Variants in NPAS3 observed in about 807,000 individuals in gnomAD.
The protein encoded by NPAS3 is neuronal PAS domain-containing protein 3.
In NPAS3, 14 loss-of-function variants were observed where a neutral mutation model predicts 73.1. That is an observed-to-expected ratio of 0.19 (90% CI 0.13 to 0.30). The LOEUF (loss-of-function observed/expected upper bound fraction) is 0.30. Ranked by LOEUF, NPAS3 falls within the 10% of genes least tolerant of loss-of-function variation. The pLI is 1.00. For synonymous variants in NPAS3, 620 were observed against 541.5 expected, an observed-to-expected ratio of 1.14 and a Z score of -2.01; for missense variants, 1,096 against 1,250.0, an observed-to-expected ratio of 0.88 and a Z score of 1.86.
intron 6 of NPAS3, among the ~76,000 whole-genome samples, chr14:33,723,195 A>AT (rs2061165241): frequency 6.6e-6 from 1 of 152,132 alleles, no homozygotes; most frequent in South Asian, 2.1e-4. Flanking sequence ...GTCACTCAGC[A>AT]TTCACTCCAT....
At chr14:33,480,102 T>G (rs1416483579) in intron 4 of NPAS3, among the ~76,000 whole-genome samples, 1 of 152,176 alleles carries the variant, frequency 6.6e-6, no homozygotes, top group African/African-American at 2.4e-5. Flanking sequence ...AAGTAGTATA[T>G]GTACTAGAAG....
intron 3 of NPAS3, among the ~76,000 whole-genome samples, chr14:33,333,688 C>T (rs1401881567): frequency 6.6e-6 from 1 of 152,032 alleles, no homozygotes; most frequent in Non-Finnish European, 1.5e-5. Context: ...AGTAAAGCCT[C>T]CAAACAGTTA....
chr14:33,716,895 C>T (rs945898029), intron 6 of NPAS3, among the ~76,000 whole-genome samples: 2 of 152,104 alleles, frequency 1.3e-5, no homozygotes, highest in African/African-American at 4.8e-5. Context: ...TTACATCTCT[C>T]ATTTCTTATA....
At chr14:33,387,034 T>C in intron 4 of NPAS3, among the ~76,000 whole-genome samples, 1 of 152,296 alleles carries the variant, frequency 6.6e-6, no homozygotes, top group Admixed American at 6.5e-5. Flanking sequence ...CCCTTGATCC[T>C]AATGTTGAGG....
chr14:33,028,540 A>G (rs2039884244), intron 1 of NPAS3, among the ~76,000 whole-genome samples: 1 of 152,180 alleles, frequency 6.6e-6, no homozygotes. Context: ...CTGTTAGACA[A>G]TTTTGTCATT....
At chr14:33,135,591 A>G (rs1385732353) in intron 2 of NPAS3, among the ~76,000 whole-genome samples, 1 of 152,168 alleles carries the variant, frequency 6.6e-6, no homozygotes, top group Non-Finnish European at 1.5e-5. Context: ...GCTTTTTGCA[A>G]TTCTGATTAT....
At chr14:33,147,666 G>A (rs540124717) in intron 2 of NPAS3, among the ~76,000 whole-genome samples, 6 of 147,152 alleles carry the variant, frequency 4.1e-5, no homozygotes, top group African/African-American at 1.0e-4. Context: ...CATGGCACAT[G>A]TATACATATG....
chr14:33,236,712 A>C (rs1265078687), intron 3 of NPAS3, among the ~76,000 whole-genome samples: 1 of 152,090 alleles, frequency 6.6e-6, no homozygotes, highest in African/African-American at 2.4e-5. Context: ...TCTGGCTTCG[A>C]CATTTTAGTC....
At chr14:33,069,985 C>T (rs148354664) in intron 2 of NPAS3, among the ~76,000 whole-genome samples, 1 of 152,296 alleles carries the variant, frequency 6.6e-6, no homozygotes, top group African/African-American at 2.4e-5. Flanking sequence ...TGGTCAGTAA[C>T]CCTTCTGGGC....
intron 4 of NPAS3, among the ~76,000 whole-genome samples, chr14:33,429,681 A>C (rs1038720934): frequency 1.3e-5 from 2 of 152,160 alleles, no homozygotes; most frequent in East Asian, 3.9e-4. Flanking sequence ...CACCATATTT[A>C]TGGATGTATT....
intron 5 of NPAS3, among the ~76,000 whole-genome samples, chr14:33,577,337 C>T (rs567313504): frequency 1.2e-4 from 18 of 152,294 alleles, no homozygotes; most frequent in South Asian, 6.2e-4. Flanking sequence ...TCTCAGATCT[C>T]TTCCTCTGCT....
chr14:32,972,613 G>C lies in NPAS3; in HGVS notation c.50+33247G>C, dbSNP rs78780769. Among the ~76,000 whole-genome samples, 589 of 152,312 alleles carry C rather than the reference G, an allele frequency of 3.9e-3. 7 individuals carry two copies. The East Asian group carries it at 0.047, about 12-fold the overall frequency. The stretch of plus-strand genomic sequence containing the variant: ...AAATGACCCATGCTGAATCCAGCAG[G>C]TTGCCCCTGCTCACCCATTGCTCTC... On this transcript the variant is annotated intron_variant, in intron 1 of 11. Transcript: ENST00000356141.
intron 4 of NPAS3, among the ~76,000 whole-genome samples, chr14:33,492,308 A>C (rs765149251): frequency 2.4e-4 from 37 of 152,278 alleles, no homozygotes; most frequent in Non-Finnish European, 4.0e-4. Context: ...TAAAAAAAAG[A>C]ATATTTTAAA....
intron 4 of NPAS3, among the ~76,000 whole-genome samples, chr14:33,414,090 A>G (rs2048046643): frequency 6.6e-6 from 1 of 152,128 alleles, no homozygotes; most frequent in African/African-American, 2.4e-5. Flanking sequence ...GGTTATGTGC[A>G]TATTGCAATA....
chr14:33,391,865 A>G (rs1000250897), intron 4 of NPAS3, among the ~76,000 whole-genome samples: 4 of 152,320 alleles, frequency 2.6e-5, no homozygotes, highest in South Asian at 2.1e-4. Context: ...ACTCCCAGAT[A>G]TACTTAATTT....
chr14:33,175,087 T>TA lies in NPAS3; in HGVS notation c.141-40094dup, dbSNP rs537760222. ...TACTGTATTTTTTTTCTCTGATACT[T>TA]ACGCAAAGATTTTTTTATATCCAGG... On this transcript the variant is annotated intron_variant, in intron 2 of 11. Coordinates refer to ENST00000356141, the Ensembl canonical transcript of NPAS3. 2.1e-4 allele frequency among the ~76,000 whole-genome samples: 32 copies of TA among 152,306 alleles called. No individual in the cohort carries two copies. In the East Asian group the frequency reaches 6.2e-3, roughly 29 times the overall value.
chr14:33,422,452 A>G lies in NPAS3; in HGVS notation c.468+55184A>G, dbSNP rs530119753. ...AGGTAAAAGTAAAAGGGATACAGGT[A>G]TAAAGGGAAATTATATTTCTTCCTT... On this transcript the variant is annotated intron_variant, in intron 4 of 11. Transcript: ENST00000356141. 7.9e-5 allele frequency among the ~76,000 whole-genome samples: 12 copies of G among 152,126 alleles called. 1 individual carries two copies. The South Asian group carries it at 2.5e-3, about 32-fold the overall frequency.
At chr14:33,790,263 C>T (rs76350030) in intron 9 of NPAS3, among the ~76,000 whole-genome samples, 1 of 152,158 alleles carries the variant, frequency 6.6e-6, no homozygotes, top group Non-Finnish European at 1.5e-5. Context: ...TTGTTATTCC[C>T]GCAAAAGGAA....
chr14:33,746,818 T>C (rs1283527477), intron 7 of NPAS3, among the ~76,000 whole-genome samples: 1 of 152,084 alleles, frequency 6.6e-6, no homozygotes, highest in Non-Finnish European at 1.5e-5. Context: ...TATGTATACA[T>C]GTGCCATGCC....
Sources: gnomAD v4.1 joint callset for allele counts (sites outside exome capture counted in the v4.1 genomes callset) on GRCh38, gnomAD v4.1.1 for gene constraint, MANE v1.5 for transcripts, NCBI Gene and HGNC (gene_info 2026-07-23, HGNC 2026-07-21) for gene names.